Variants in ANK3 observed in about 807,000 individuals in gnomAD.
ANK3 encodes the protein ankyrin 3, also known as ankyrin-3.
A neutral mutation model predicts 370.9 loss-of-function variants in ANK3; 57 were observed. The observed-to-expected ratio is 0.15, with a 90% confidence interval of 0.12 to 0.19. The LOEUF (loss-of-function observed/expected upper bound fraction) is 0.19, where lower values mean the gene tolerates loss of function less well. Among genes scored for constraint, ANK3 ranks in the 10% least tolerant of loss-of-function variants. The probability of loss-of-function intolerance (pLI) is 1.00; values close to 1 mark genes in which losing one functional copy is unlikely to be tolerated. For synonymous variants in ANK3, 1,929 were observed against 1,946.3 expected (o/e 0.99, Z 0.23); for missense variants, 4,439 against 5,302.1 (o/e 0.84, Z 5.06).
At chr10:60,180,185 GTAT>G (rs1221635454) in intron 18 of ANK3, among the ~76,000 whole-genome samples, 1 of 152,144 alleles carries the variant, frequency 6.6e-6, no homozygotes, top group Non-Finnish European at 1.5e-5. Flanking sequence ...TAATATTTCT[GTAT>G]TACTAGTTAC....
intron 2 of ANK3, among the ~76,000 whole-genome samples, chr10:60,570,465 T>C (rs974785607): frequency 6.6e-6 from 1 of 152,212 alleles, no homozygotes; most frequent in South Asian, 2.1e-4. Flanking sequence ...GGCACAGAAA[T>C]GCATTCTCAA....
At chr10:60,096,303 A>G (rs2090121171) in intron 28 of ANK3, among the ~76,000 whole-genome samples, 1 of 152,238 alleles carries the variant, frequency 6.6e-6, no homozygotes, top group African/African-American at 2.4e-5. Flanking sequence ...GATTGAACTT[A>G]TATGTATTTA....
chr10:60,301,549 G>A (rs1170121894), intron 1 of ANK3, among the ~76,000 whole-genome samples: 2 of 151,648 alleles, frequency 1.3e-5, no homozygotes, highest in East Asian at 3.9e-4. Flanking sequence ...GAGAAGCTGG[G>A]ACTACAGGGC....
Position 60,196,641 on chromosome 10 carries a change from CAT to C in ANK3, c.1690-18_1690-17del. 4 of 1,253,908 alleles carry C rather than the reference CAT, an allele frequency of 3.2e-6. No homozygotes were observed. The highest frequency in any genetic ancestry group is 1.7e-5 in the African/African-American group (1 of 57,202). 77.7% of individuals were successfully genotyped at this position (1,253,908 alleles called of 1,614,324 possible). A position where few individuals can be genotyped will look rare whatever the true frequency, so the allele number is the denominator to read the frequency against. On this transcript the variant is annotated splice_polypyrimidine_tract_variant and intron_variant, in intron 14 of 43. Coordinates refer to ENST00000280772, the MANE Select transcript of ANK3 (RefSeq NM_020987.5). The stretch of plus-strand genomic sequence containing the variant: ...TAAATCCTTTCTGAAAAAAAAAAAA[CAT>C]AAAAATAATGAACAATAGAAATGAC...
chr10:60,519,656 A>G (rs1372451956), intron 2 of ANK3, among the ~76,000 whole-genome samples: 2 of 152,094 alleles, frequency 1.3e-5, no homozygotes, highest in Admixed American at 6.6e-5. Context: ...AATTTCAAAT[A>G]AGTCAACAAA....
intron 2 of ANK3, among the ~76,000 whole-genome samples, chr10:60,578,335 T>C (rs1216193454): frequency 6.6e-6 from 1 of 152,216 alleles, no homozygotes; most frequent in African/African-American, 2.4e-5. Flanking sequence ...TTTTGAGCAG[T>C]GTAATTTTCT....
chr10:60,331,525 T>G (rs2051297862), intron 1 of ANK3, among the ~76,000 whole-genome samples: 1 of 150,814 alleles, frequency 6.6e-6, no homozygotes, highest in Non-Finnish European at 1.5e-5. Flanking sequence ...AGTTAAGATC[T>G]CAATAATTTG....
At chr10:60,582,176 T>C (rs1239587259) in intron 2 of ANK3, among the ~76,000 whole-genome samples, 3 of 152,010 alleles carry the variant, frequency 2.0e-5, no homozygotes, top group African/African-American at 7.3e-5. Context: ...ATGTAGATGA[T>C]GGGTTGATGG....
intron 2 of ANK3, among the ~76,000 whole-genome samples, chr10:60,424,135 C>T (rs964294573): frequency 6.6e-6 from 1 of 151,962 alleles, no homozygotes; most frequent in African/African-American, 2.4e-5. Context: ...ATTTAAGTTA[C>T]CCCTATCTGT....
chr10:60,030,018 T>C (rs1173615573), intron 43 of ANK3, among the ~76,000 whole-genome samples, 192 bp from the exon 44 acceptor site: 7 of 151,552 alleles, frequency 4.6e-5, no homozygotes, highest in African/African-American at 1.2e-4. Context: ...CTAGATGCCT[T>C]AGAGGACAAG....
intron 2 of ANK3, among the ~76,000 whole-genome samples, chr10:60,453,215 T>A (rs1200074567): frequency 6.6e-6 from 1 of 152,150 alleles, no homozygotes; most frequent in East Asian, 1.9e-4. Context: ...AAGGAATCAA[T>A]AATAACATGC....
chr10:60,086,438 G>C, intron 30 of ANK3: 1 of 404,070 alleles, frequency 2.5e-6, no homozygotes, highest in Non-Finnish European at 4.4e-6. Flanking sequence ...TAGCAGGAAA[G>C]ATGCTATCAC....
intron 2 of ANK3, among the ~76,000 whole-genome samples, chr10:60,443,725 A>T (rs1210638445): frequency 6.6e-6 from 1 of 152,206 alleles, no homozygotes; most frequent in Non-Finnish European, 1.5e-5. Flanking sequence ...TGGCAACCAG[A>T]AAATGGATGT....
intron 2 of ANK3, among the ~76,000 whole-genome samples, chr10:60,410,782 T>C (rs1279606205): frequency 6.6e-6 from 1 of 152,090 alleles, no homozygotes; most frequent in African/African-American, 2.4e-5. Flanking sequence ...CCTCCTGTCT[T>C]AGCATCCTGA....
At chr10:60,201,577 C>T (rs1198067402) in intron 12 of ANK3, among the ~76,000 whole-genome samples, 1 of 152,106 alleles carries the variant, frequency 6.6e-6, no homozygotes, top group Non-Finnish European at 1.5e-5. Flanking sequence ...CCTCATGGTT[C>T]CTACAGAGCA....
chr10:60,107,620 C>T (rs960407320), intron 27 of ANK3, among the ~76,000 whole-genome samples: 1 of 152,184 alleles, frequency 6.6e-6, no homozygotes, highest in African/African-American at 2.4e-5. Flanking sequence ...CTATCTGCTG[C>T]CTATTTAATT....
At chr10:60,415,108 C>G (rs1257169890) in intron 2 of ANK3, among the ~76,000 whole-genome samples, 1 of 152,124 alleles carries the variant, frequency 6.6e-6, no homozygotes, top group East Asian at 1.9e-4. Context: ...ATTGTATTGT[C>G]AGCTGCCTAC....
rs373597997 is a variant in ANK3 at position 60,522,522 on chromosome 10, G to T, written c.96+92664C>A. 7.9e-5 allele frequency among the ~76,000 whole-genome samples: 12 copies of T among 151,966 alleles called. No homozygotes were observed. In the East Asian group the frequency reaches 1.9e-3, roughly 25 times the overall value. Reference sequence around the variant, plus strand: ...TCTTTGACCTTCTACCTGGACCCAGGTTTTAGATCTGTACCCATTCTCTAG... The same window carrying T: ...TCTTTGACCTTCTACCTGGACCCAGTTTTTAGATCTGTACCCATTCTCTAG... On this transcript the variant is annotated intron_variant, in intron 2 of 43. Transcript: ENST00000373827.
At chr10:60,141,429 G>C (rs2094550307) in intron 23 of ANK3, among the ~76,000 whole-genome samples, 1 of 151,898 alleles carries the variant, frequency 6.6e-6, no homozygotes, top group South Asian at 2.1e-4. Context: ...CTGTTACATT[G>C]TTTCTTTCTC....
Sources: gnomAD v4.1 joint callset for allele counts (sites outside exome capture counted in the v4.1 genomes callset) on GRCh38, gnomAD v4.1.1 for gene constraint, MANE v1.5 for transcripts, NCBI Gene and HGNC (gene_info 2026-07-23, HGNC 2026-07-21) for gene names.